The following IGF1 variants were observed in gnomAD, a reference collection of about 807,000 sequenced individuals.
The protein encoded by IGF1 is insulin like growth factor 1.
In IGF1, 4 loss-of-function variants were observed where a neutral mutation model predicts 13.8. The ratio of observed to expected loss-of-function variants is 0.29; its 90% CI spans 0.14 to 0.66. The LOEUF (loss-of-function observed/expected upper bound fraction) is 0.66. IGF1 is among the 30% of genes least tolerant of loss of function. The pLI, the probability that IGF1 is intolerant of heterozygous loss-of-function variation, is 0.78. For synonymous variants in IGF1, 76 were observed against 72.6 expected (o/e 1.05, Z -0.23); for missense variants, 124 against 188.5 (o/e 0.66, Z 2.00).
At position 102,401,528 on chromosome 12, in the gene IGF1, G is replaced by C. The variant is rs1030445452; in HGVS notation, c.*979C>G. 1.3e-5 allele frequency: 2 copies of C among 152,584 alleles called. No homozygotes were observed. The highest frequency in any genetic ancestry group is 4.8e-5 in the African/African-American group (2 of 41,414). The allele number at this position is 152,584 out of a possible 1,614,324, so 9.5% of individuals were successfully genotyped here. On this transcript the variant is annotated 3_prime_UTR_variant, in exon 4 of 4. Coordinates refer to ENST00000337514, the MANE Select transcript of IGF1 (RefSeq NM_000618.5). ...TCCCCTTGTGTCATCTTTGGCTCCAGGCTTCCCCTATTGTTTTGCTTTCAC... is the reference window on the plus strand; with the variant it reads ...TCCCCTTGTGTCATCTTTGGCTCCACGCTTCCCCTATTGTTTTGCTTTCAC...
At chr12:102,409,039 G>A (rs188173995) in intron 3 of IGF1, among the ~76,000 whole-genome samples, 22 of 152,264 alleles carry the variant, frequency 1.4e-4, no homozygotes, top group Admixed American at 1.3e-4. Flanking sequence ...CACAGTAGTC[G>A]TGTGACCTTT....
chr12:102,478,505 TG>T, intron 1 of IGF1: 1 of 1,611,296 alleles, frequency 6.2e-7, no homozygotes, highest in South Asian at 1.1e-5. Flanking sequence ...TAATCATTTT[TG>T]TTTGTTCCAG....
chr12:102,469,606 A>G (rs190750275), intron 2 of IGF1, among the ~76,000 whole-genome samples: 2 of 152,272 alleles, frequency 1.3e-5, no homozygotes, highest in South Asian at 2.1e-4. Flanking sequence ...TATCTCTCTC[A>G]TGCCTCTTTT....
chr12:102,458,249 C>G (rs1037321489), intron 2 of IGF1, among the ~76,000 whole-genome samples: 3 of 152,132 alleles, frequency 2.0e-5, no homozygotes, highest in Non-Finnish European at 4.4e-5. Context: ...TGTGCTCTAC[C>G]TGGCATTGAC....
intron 2 of IGF1, among the ~76,000 whole-genome samples, chr12:102,459,058 G>T (rs1377318648): frequency 6.6e-6 from 1 of 152,140 alleles, no homozygotes; most frequent in African/African-American, 2.4e-5. Context: ...CAGAAAGCAT[G>T]TGCCAATATG....
rs1873633167 is a variant in IGF1 at position 102,400,958 on chromosome 12, T to C, written c.*1549A>G. On this transcript the variant is annotated 3_prime_UTR_variant, in exon 4 of 4. Coordinates refer to ENST00000337514, the MANE Select transcript of IGF1 (RefSeq NM_000618.5). ...ATATTTTGAAAAGTGTTTTAAGAGATTGAGCTGTTAGCTTTTAACAACTAG... is the reference window on the plus strand; with the variant it reads ...ATATTTTGAAAAGTGTTTTAAGAGACTGAGCTGTTAGCTTTTAACAACTAG... The C allele has an allele frequency of 1.3e-5, 2 of 152,224 alleles. No individual in the cohort carries two copies. Among genetic ancestry groups the C allele is most frequent in the South Asian group, 4.1e-4 (2 of 4,832 alleles). 9.4% of individuals were successfully genotyped at this position (152,224 alleles called of 1,614,324 possible). A position where few individuals can be genotyped will look rare whatever the true frequency, so the allele number is the denominator to read the frequency against.
In IGF1 at chr12:102,434,525, A is replaced by G. The variant is rs1282646752; in HGVS notation, c.221-14835T>C. ...TAGTATTCCATGGTGTATATGTGCCACATTTTCTTAATCCAGTCTATCATT... is the reference window on the plus strand; with the variant it reads ...TAGTATTCCATGGTGTATATGTGCCGCATTTTCTTAATCCAGTCTATCATT... On this transcript the variant is annotated intron_variant, in intron 2 of 3. Transcript: ENST00000337514. 4.8e-5 allele frequency among the ~76,000 whole-genome samples: 7 copies of G among 145,516 alleles called. No individual in the cohort carries two copies. The Admixed American group carries it at 4.8e-4, about 10-fold the overall frequency.
Position 102,419,655 on chromosome 12 carries a change from C to T in IGF1, c.256G>A (p.Ala86Thr). The T allele has an allele frequency of 6.2e-7, 1 of 1,613,276 alleles. No individual in the cohort carries two copies. The highest frequency in any genetic ancestry group is 8.5e-7 in the Non-Finnish European group (1 of 1,180,024). Reference protein sequence around the residue: ...PTGYGSSSRRAPQTGIVDECC... With the variant: ...PTGYGSSSRRTPQTGIVDECC... Reference sequence around the variant, plus strand: ...TCATCCACGATGCCTGTCTGAGGCGCCCTCCGACTGCTGGAGCCATACCCT... The same window carrying T: ...TCATCCACGATGCCTGTCTGAGGCGTCCTCCGACTGCTGGAGCCATACCCT... Residue 86 changes from alanine (A) to threonine (T), a missense_variant, in exon 3 of 4, where the codon GCG becomes ACG. By Grantham distance (58) the Ala-to-Thr change is moderately conservative (BLOSUM62 0). Coordinates refer to ENST00000337514, the MANE Select transcript of IGF1 (RefSeq NM_000618.5).
At chr12:102,478,633 G>A in intron 1 of IGF1, 1 of 1,475,962 alleles carries the variant, frequency 6.8e-7, no homozygotes, top group Middle Eastern at 1.8e-4. Context: ...GTTACATTTG[G>A]ACACCCAGGC....
chr12:102,397,113 A>C lies in IGF1; in HGVS notation c.*5394T>G, dbSNP rs1314923024. The C allele has an allele frequency of 6.3e-6, 2 of 316,810 alleles. No individual in the cohort carries two copies. The highest frequency in any genetic ancestry group is 1.1e-5 in the Non-Finnish European group (2 of 175,418). The allele number at this position is 316,810 out of a possible 1,614,324, so 19.6% of individuals were successfully genotyped here. A position where few individuals can be genotyped will look rare whatever the true frequency, so the allele number is the denominator to read the frequency against. On this transcript the variant is annotated 3_prime_UTR_variant, in exon 4 of 4. Coordinates refer to ENST00000337514, the MANE Select transcript of IGF1 (RefSeq NM_000618.5). ...GCTACTCAGGAGGCTGAGGCAGGAGAATCGCTTAAACCCAGGAGGTGGAGG... is the reference window on the plus strand; with the variant it reads ...GCTACTCAGGAGGCTGAGGCAGGAGCATCGCTTAAACCCAGGAGGTGGAGG...
intron 2 of IGF1, among the ~76,000 whole-genome samples, chr12:102,452,611 T>C (rs1344717790): frequency 6.6e-6 from 1 of 152,226 alleles, no homozygotes; most frequent in East Asian, 1.9e-4. Context: ...TTATTTGACA[T>C]CCTTCCAGAA....
intron 2 of IGF1, among the ~76,000 whole-genome samples, chr12:102,460,061 G>C (rs531360653): frequency 6.6e-6 from 1 of 152,182 alleles, no homozygotes; most frequent in Non-Finnish European, 1.5e-5. Flanking sequence ...TCACATAAAA[G>C]GGTGACCAAA....
Position 102,402,242 on chromosome 12 carries a change from ATATT to A in IGF1, c.*261_*264del. ...CAGGGACTAAGATATATATATATATATATTTTTTTTTTCTTTTCTATAGAACATT... is the reference window on the plus strand; with the variant it reads ...CAGGGACTAAGATATATATATATATATTTTTTTTCTTTTCTATAGAACATT... On this transcript the variant is annotated 3_prime_UTR_variant, in exon 4 of 4. Transcript: ENST00000337514. 5.9e-5 allele frequency: 15 copies of A among 254,580 alleles called. 1 individual carries two copies. The highest frequency in any genetic ancestry group is 8.2e-5 in the Non-Finnish European group (11 of 134,516). The allele number at this position is 254,580 out of a possible 1,614,324, so 15.8% of individuals were successfully genotyped here.
At chr12:102,410,159 T>TA (rs1396502456) in intron 3 of IGF1, among the ~76,000 whole-genome samples, 1 of 152,066 alleles carries the variant, frequency 6.6e-6, no homozygotes, top group Non-Finnish European at 1.5e-5. Flanking sequence ...GCCTGTGATG[T>TA]AAAAAATCTC....
intron 3 of IGF1, among the ~76,000 whole-genome samples, chr12:102,414,620 C>T (rs567744225): frequency 1.8e-3 from 267 of 151,936 alleles, no homozygotes; most frequent in Non-Finnish European, 3.1e-3. Context: ...GATGGGGTTT[C>T]GCTATGTTGC....
rs549052738 is a variant in IGF1, at chr12:102,469,527, A to G, written c.220+6116T>C. Among the ~76,000 whole-genome samples, 8 of 152,298 alleles carry G rather than the reference A, an allele frequency of 5.3e-5. No individual in the cohort carries two copies. In the East Asian group the frequency reaches 1.4e-3, roughly 26 times the overall value. ...TTCTAAAAGAAGACTTTTCTTGTGC[A>G]TCCTGAGGAAGTTTTCTTAGAATTT... On this transcript the variant is annotated intron_variant, in intron 2 of 3. Transcript: ENST00000337514.
intron 2 of IGF1, among the ~76,000 whole-genome samples, chr12:102,466,507 A>T (rs1880333010): frequency 6.6e-6 from 1 of 152,202 alleles, no homozygotes; most frequent in East Asian, 1.9e-4. Context: ...TCTCCCAGCA[A>T]AAAATAGTCT....
At chr12:102,445,997 G>T (rs1244581683) in intron 2 of IGF1, among the ~76,000 whole-genome samples, 4 of 152,122 alleles carry the variant, frequency 2.6e-5, no homozygotes, top group African/African-American at 4.8e-5. Context: ...TAATCATGTG[G>T]TTTTTGTCAT....
rs1031237257 is a variant in IGF1, at chr12:102,398,857, G to A, written c.*3650C>T. 9.9e-5 allele frequency: 15 copies of A among 151,422 alleles called. No homozygotes were observed. Among genetic ancestry groups the A allele is most frequent in the African/African-American group, 3.7e-4 (15 of 41,008 alleles). 9.4% of individuals were successfully genotyped at this position (151,422 alleles called of 1,614,324 possible). A position where few individuals can be genotyped will look rare whatever the true frequency, so the allele number is the denominator to read the frequency against. On this transcript the variant is annotated 3_prime_UTR_variant, in exon 4 of 4. Coordinates refer to ENST00000337514, the MANE Select transcript of IGF1 (RefSeq NM_000618.5). ...ACAATAGCACCACATTGGCATAGCT[G>A]GCCAAACAATAAATGGGAAAGCAAA...
Sources: allele counts gnomAD v4.1 joint callset (sites outside exome capture counted in the v4.1 genomes callset), GRCh38; gene constraint gnomAD v4.1.1; transcripts MANE v1.5; gene names NCBI Gene and HGNC (gene_info 2026-07-23, HGNC 2026-07-21).